WDR59: variants seen among roughly 807,000 people sequenced by gnomAD.
The protein encoded by WDR59 is WD repeat domain 59.
In WDR59, 100 loss-of-function variants were observed where a neutral mutation model predicts 131.2. The observed-to-expected ratio is 0.76, with a 90% CI of 0.65 to 0.90. WDR59 has a LOEUF of 0.90. WDR59 is among the 40% of genes least tolerant of loss of function. The pLI, the probability that WDR59 is intolerant of heterozygous loss-of-function variation, is 0.00. For missense variants in WDR59, 1,203 were observed against 1,262.2 expected (o/e 0.95, Z 0.71); for synonymous variants, 601 against 466.2 (o/e 1.29, Z -3.72).
chr16:74,916,735 T>G (rs1381186519), intron 11 of WDR59, among the ~76,000 whole-genome samples: 2 of 151,854 alleles, frequency 1.3e-5, no homozygotes, highest in Non-Finnish European at 2.9e-5. Context: ...GGCGGACGCC[T>G]ACAGTCCCAG....
chr16:74,935,498 C>A (rs1363158470), intron 8 of WDR59, among the ~76,000 whole-genome samples: 1 of 151,946 alleles, frequency 6.6e-6, no homozygotes, highest in Non-Finnish European at 1.5e-5. Flanking sequence ...AAGTGAAATA[C>A]ACATTTAGTG....
intron 25 of WDR59, among the ~76,000 whole-genome samples, chr16:74,880,703 G>T (rs949305921): frequency 2.0e-5 from 3 of 152,204 alleles, no homozygotes; most frequent in African/African-American, 7.2e-5. Flanking sequence ...TGATAGAGGT[G>T]AAATGAATCA....
chr16:74,921,210 C>G (rs2144998510), intron 10 of WDR59, among the ~76,000 whole-genome samples: 1 of 152,088 alleles, frequency 6.6e-6, no homozygotes, highest in South Asian at 2.1e-4. Flanking sequence ...AAGCCTAGTA[C>G]CCAATGGTTA....
chr16:74,946,775 T>C (rs1371230897), intron 6 of WDR59, among the ~76,000 whole-genome samples: 4 of 151,844 alleles, frequency 2.6e-5, no homozygotes, highest in African/African-American at 7.3e-5. Flanking sequence ...ACAAATCATA[T>C]CATCCAGCTG....
At position 74,958,592 on chromosome 16, in the gene WDR59, C is replaced by CAAAAAAAAAAAAAAAAAA. The variant is rs747175030; in HGVS notation, c.105-2000_105-1983dup. Among the ~76,000 whole-genome samples the CAAAAAAAAAAAAAAAAAA allele has an allele frequency of 4.5e-3, 60 of 13,238 alleles. 7 individuals carry two copies. Among genetic ancestry groups the CAAAAAAAAAAAAAAAAAA allele is most frequent in the East Asian group, 8.1e-3 (1 of 124 alleles). 8.7% of individuals were successfully genotyped at this position (13,238 alleles called of 152,430 possible). On this transcript the variant is annotated intron_variant, in intron 2 of 25. Transcript: ENST00000262144. The stretch of plus-strand genomic sequence containing the variant: ...TGGGGGACAGGCTGAGACTCCATCT[C>CAAAAAAAAAAAAAAAAAA]AAAAAAAAAAAAAAAAAAAAAAAAA...
intron 1 of WDR59, among the ~76,000 whole-genome samples, chr16:74,970,334 T>C (rs1341824779): frequency 1.3e-5 from 2 of 151,724 alleles, no homozygotes; most frequent in African/African-American, 4.8e-5. Context: ...TGATACCTTG[T>C]CATTTGTCAT....
At chr16:74,951,276 G>A (rs746838817) in intron 4 of WDR59, among the ~76,000 whole-genome samples, 182 bp downstream of exon 4, 9 of 151,752 alleles carry the variant, frequency 5.9e-5, no homozygotes, top group Non-Finnish European at 8.8e-5. Context: ...CTTCCTAAAT[G>A]CCGGCTGTTC....
chr16:74,979,237 G>A (rs2034303502), intron 1 of WDR59: 1 of 88,746 alleles, frequency 1.1e-5, no homozygotes, highest in Admixed American at 1.2e-4. Context: ...GGCCAAGGCG[G>A]GCAGATCACG....
At position 74,922,008 on chromosome 16, in the gene WDR59, G is replaced by T. The variant is rs757493850; in HGVS notation, c.825C>A (p.Val275=). Residue 275 remains valine, a synonymous_variant, in exon 10 of 26, where the codon GTC becomes GTA. Transcript: ENST00000262144. The part of the protein sequence containing the change: ...LWNVFDLNTP[V]HTFVGHDDVV... ...CATCATCATGCCCCACGAAGGTGTGGACTGGGGTGTTCAAGTCAAAGACAT... is the reference window on the plus strand; with the variant it reads ...CATCATCATGCCCCACGAAGGTGTGTACTGGGGTGTTCAAGTCAAAGACAT... The T allele has an allele frequency of 4.3e-6, 7 of 1,614,084 alleles. No homozygotes were observed. Among genetic ancestry groups the T allele is most frequent in the Non-Finnish European group, 5.9e-6 (7 of 1,180,042 alleles).
chr16:74,901,490 A>G (rs1466847616), intron 18 of WDR59, among the ~76,000 whole-genome samples: 3 of 151,918 alleles, frequency 2.0e-5, no homozygotes, highest in Admixed American at 6.6e-5. Flanking sequence ...TTTGTTTTTA[A>G]TTAACTGGGT....
Position 74,903,971 on chromosome 16 carries a change from G to A in WDR59, c.1842C>T (p.Ile614=), listed in dbSNP as rs746861662. 2.1e-5 allele frequency: 33 copies of A among 1,609,550 alleles called. No homozygotes were observed. Among genetic ancestry groups the A allele is most frequent in the Non-Finnish European group, 2.8e-5 (33 of 1,178,608 alleles). The change falls in exon 18 of 26, where the codon ATC becomes ATT. Residue 614 remains isoleucine, a synonymous_variant. Coordinates refer to ENST00000262144, the MANE Select transcript of WDR59 (RefSeq NM_030581.4). ...CCCGCTCCTTGTAGTAGAAGGAGCT[G>A]ATGGAGACCTGCTCTTTCTCGCTGC... ...PTRSEKEQVS[I]SSFYYKERKS...
chr16:74,943,181 C>A (rs2032362843), intron 6 of WDR59, among the ~76,000 whole-genome samples: 1 of 152,002 alleles, frequency 6.6e-6, no homozygotes, highest in African/African-American at 2.4e-5. Context: ...CTTTCTCATC[C>A]CCAAATGACA....
rs747992526 is a variant in WDR59 at position 74,885,775 on chromosome 16, G to A, written c.2567C>T (p.Thr856Ile). ...KNKRLLDPANTQQFDDFKKCY... is the reference protein window; with the variant it reads ...KNKRLLDPANIQQFDDFKKCY... ...TTTCTTAAAGTCATCAAATTGCTGGGTATTGGCGGGGTCCAGGAGCCTGGA... is the reference window on the plus strand; with the variant it reads ...TTTCTTAAAGTCATCAAATTGCTGGATATTGGCGGGGTCCAGGAGCCTGGA... The change falls in exon 25 of 26, where the codon ACC (threonine) becomes ATC (isoleucine). Residue 856 changes from threonine (T) to isoleucine (I), a missense_variant. Transcript: ENST00000262144. 2 of 1,613,926 alleles carry A rather than the reference G, an allele frequency of 1.2e-6. No individual in the cohort carries two copies. The highest frequency in any genetic ancestry group is 3.3e-5 in the Admixed American group (2 of 59,972).
rs376086980 is a variant in WDR59 at position 74,893,787 on chromosome 16, C to A, written c.1892G>T (p.Arg631Leu). ...TCGATTGCCAGAGTCTGATCCCTCACGCTTACTTTTCCATCGTCTTGATTT... is the reference window on the plus strand; with the variant it reads ...TCGATTGCCAGAGTCTGATCCCTCAAGCTTACTTTTCCATCGTCTTGATTT... The part of the protein sequence containing the change: ...ERKSRRWKSK[R>L]EGSDSGNRQI... The change falls in exon 19 of 26, where the codon CGT becomes CTT. Residue 631 changes from arginine to leucine, a missense_variant. Arg to Leu is a moderately radical substitution (Grantham distance 102, BLOSUM62 -2). Transcript: ENST00000262144. The A allele has an allele frequency of 3.7e-6, 6 of 1,614,008 alleles. No individual in the cohort carries two copies. The highest frequency in any genetic ancestry group is 5.1e-6 in the Non-Finnish European group (6 of 1,180,030).
Position 74,875,015 on chromosome 16 carries a change from C to T in WDR59, c.2690-571G>A, listed in dbSNP as rs561025436. Among the ~76,000 whole-genome samples, 47 of 152,346 alleles carry T rather than the reference C, an allele frequency of 3.1e-4. No homozygotes were observed. In the South Asian group the frequency reaches 7.9e-3, roughly 26 times the overall value. On this transcript the variant is annotated intron_variant, in intron 25 of 25. Coordinates refer to ENST00000262144, the MANE Select transcript of WDR59 (RefSeq NM_030581.4). ...AGTGCCCTACAGCAGGGGGCAGCTG[C>T]GTCTGATGCCTCTTCCCACCCCGAC...
rs190915721 is a variant in WDR59, at chr16:74,914,278, C to G, written c.1224+1592G>C. Among the ~76,000 whole-genome samples the G allele has an allele frequency of 1.4e-3, 208 of 152,168 alleles. 1 individual carries two copies. The highest frequency in any genetic ancestry group is 4.7e-3 in the African/African-American group (196 of 41,512). Reference sequence around the variant, plus strand: ...ATCTCAATAATTTTTTTAAAGTACTCTCGAAGAAAGGAATCAAGATCTTAA... The same window carrying G: ...ATCTCAATAATTTTTTTAAAGTACTGTCGAAGAAAGGAATCAAGATCTTAA... On this transcript the variant is annotated intron_variant, in intron 13 of 25. Transcript: ENST00000262144.
intron 3 of WDR59, among the ~76,000 whole-genome samples, chr16:74,955,696 G>A (rs2033254803): frequency 6.6e-6 from 1 of 152,154 alleles, no homozygotes; most frequent in Admixed American, 6.6e-5. Flanking sequence ...TCCTTCTGCA[G>A]ACTGCCTTTC....
chr16:74,894,847 C>T (rs1413915107), intron 18 of WDR59, among the ~76,000 whole-genome samples: 1 of 152,140 alleles, frequency 6.6e-6, no homozygotes, highest in African/African-American at 2.4e-5. Flanking sequence ...TCTGTTGTTC[C>T]AATCTCACAA....
chr16:74,936,230 T>C (rs2145070555), intron 8 of WDR59, among the ~76,000 whole-genome samples: 1 of 152,242 alleles, frequency 6.6e-6, no homozygotes, highest in East Asian at 1.9e-4. Flanking sequence ...GTCTGTTTCC[T>C]AGGACATCAA....
Sources: gnomAD v4.1 joint callset for allele counts (sites outside exome capture counted in the v4.1 genomes callset) on GRCh38, gnomAD v4.1.1 for gene constraint, MANE v1.5 for transcripts, NCBI Gene and HGNC (gene_info 2026-07-23, HGNC 2026-07-21) for gene names.